Variants in SYPL1 observed in about 807,000 individuals in gnomAD.
SYPL1 encodes the protein synaptophysin like 1, also known as synaptophysin-like protein 1.
Under a neutral mutation model 23.7 loss-of-function variants are expected in SYPL1, and 6 were observed. That is an observed-to-expected ratio of 0.25 (90% CI 0.14 to 0.50). The LOEUF (loss-of-function observed/expected upper bound fraction) is 0.50, where lower values mean the gene tolerates loss of function less well. Ranked by LOEUF, SYPL1 falls within the 20% of genes least tolerant of loss-of-function variation. The pLI, the probability that SYPL1 is intolerant of heterozygous loss-of-function variation, is 0.98. For synonymous variants in SYPL1, 102 were observed against 104.5 expected (o/e 0.98, Z 0.15); for missense variants, 253 against 288.9 (o/e 0.88, Z 0.90).
chr7:106,112,412 G>T (rs1790218667), upstream of SYPL1: 2 of 1,402,510 alleles, frequency 1.4e-6, no homozygotes, highest in Admixed American at 6.6e-5. Context: ...CGGAAACGGA[G>T]TGGGGCGGCT....
rs11286298 is a variant in SYPL1, at chr7:106,097,004, CA to C, written c.402+685del. Among the ~76,000 whole-genome samples the C allele has an allele frequency of 0.073, 11,164 of 152,140 alleles. 1,347 individuals are homozygous for C. The highest frequency in any genetic ancestry group is 0.25 in the African/African-American group (10,557 of 41,450). ...CCAAGGCAGGCAGATCACTTGAGCC[CA>C]GGAGTTTGAGACCAGCCTGGGCAAC... On this transcript the variant is annotated intron_variant, in intron 3 of 4. Coordinates refer to ENST00000455385, the MANE Select transcript of SYPL1 (RefSeq NM_182715.4). The surrounding 1 kb of genome is among the most constrained non-coding windows in gnomAD (Gnocchi z 4.6).
Position 106,091,098 on chromosome 7 carries a change from C to T in SYPL1, c.*707G>A, listed in dbSNP as rs924554367. On this transcript the variant is annotated 3_prime_UTR_variant, in exon 5 of 5. Coordinates refer to ENST00000455385, the MANE Select transcript of SYPL1 (RefSeq NM_182715.4). The surrounding 1 kb of genome is among the most constrained non-coding windows in gnomAD (Gnocchi z 5.0). ...CATATAAAGATATCTAGTTGAGCCA[C>T]GTTCTACTTACATAGCAAGCCTATT... 6.6e-6 allele frequency: 1 copy of T among 152,134 alleles called. No homozygotes were observed. Among genetic ancestry groups the T allele is most frequent in the African/African-American group, 2.4e-5 (1 of 41,434 alleles). The allele number at this position is 152,134 out of a possible 1,614,324, so 9.4% of individuals were successfully genotyped here.
At chr7:106,092,915 T>C (rs780733769) in intron 4 of SYPL1, 34 bp downstream of exon 4, 50 of 1,473,186 alleles carry the variant, frequency 3.4e-5, no homozygotes, top group Non-Finnish European at 4.5e-5. Flanking sequence ...AACAAATATA[T>C]GAAAGAAAAA....
intron 1 of SYPL1, among the ~76,000 whole-genome samples, chr7:106,105,190 C>A (rs1470498526): frequency 9.2e-5 from 14 of 152,098 alleles, no homozygotes; most frequent in Admixed American, 9.2e-4. Context: ...TATTCTTTTT[C>A]TTCCAAACAT....
At chr7:106,107,831 T>C (rs182545148) in intron 1 of SYPL1, among the ~76,000 whole-genome samples, 19 of 152,244 alleles carry the variant, frequency 1.2e-4, no homozygotes, top group African/African-American at 4.3e-4. Context: ...TGCTAACTCC[T>C]AATCATTGTA....
intron 4 of SYPL1, chr7:106,092,706 C>T (rs1280890933): frequency 3.4e-6 from 2 of 586,540 alleles, no homozygotes; most frequent in African/African-American, 3.9e-5. Context: ...TTAATCTTCC[C>T]AGATATAAAT....
rs1415151794 is a variant in SYPL1 at position 106,097,179 on chromosome 7, G to C, written c.402+511C>G. 6.6e-6 allele frequency among the ~76,000 whole-genome samples: 1 copy of C among 152,136 alleles called. No homozygotes were observed. Among genetic ancestry groups the C allele is most frequent in the African/African-American group, 2.4e-5 (1 of 41,414 alleles). On this transcript the variant is annotated intron_variant, in intron 3 of 4. Transcript: ENST00000455385. This position sits in a 1 kb window ranked among gnomAD's most constrained non-coding sequence, Gnocchi z 4.6. ...GATGGTGCTACTGCCCTCCTGCCTGGGCGACAAAGCGAGACCTTGTCTCAA... is the reference window on the plus strand; with the variant it reads ...GATGGTGCTACTGCCCTCCTGCCTGCGCGACAAAGCGAGACCTTGTCTCAA...
rs1839854557 is a variant in SYPL1 at position 106,093,298 on chromosome 7, G to T, written c.403-161C>A. On this transcript the variant is annotated intron_variant, in intron 3 of 4. Transcript: ENST00000455385. ...AAAGTCAGTCAGCATAGTAAACATTGCTGTTAGTGTTACAAGCACAGTGCC... is the reference window on the plus strand; with the variant it reads ...AAAGTCAGTCAGCATAGTAAACATTTCTGTTAGTGTTACAAGCACAGTGCC... 3 of 606,440 alleles carry T rather than the reference G, an allele frequency of 4.9e-6. No individual in the cohort carries two copies. In the East Asian group the frequency reaches 8.9e-5, roughly 18 times the overall value. The allele number at this position is 606,440 out of a possible 1,614,324, so 37.6% of individuals were successfully genotyped here. A position where few individuals can be genotyped will look rare whatever the true frequency, so the allele number is the denominator to read the frequency against.
chr7:106,112,485 G>A (rs764992362), upstream of SYPL1: 2 of 1,520,424 alleles, frequency 1.3e-6, no homozygotes, highest in East Asian at 2.8e-5. Flanking sequence ...GCACCTGGCC[G>A]AGTCGACTGA....
Position 106,112,124 on chromosome 7 carries a change from C to A in SYPL1, c.69+16G>T. 2 of 1,448,674 alleles carry A rather than the reference C, an allele frequency of 1.4e-6. No individual in the cohort carries two copies. Among genetic ancestry groups the A allele is most frequent in the Admixed American group, 2.0e-5 (1 of 49,470 alleles). The allele number at this position is 1,448,674 out of a possible 1,614,324, so 89.7% of individuals were successfully genotyped here. A position where few individuals can be genotyped will look rare whatever the true frequency, so the allele number is the denominator to read the frequency against. On this transcript the variant is annotated intron_variant, in intron 1 of 4. Coordinates refer to ENST00000455385, the MANE Select transcript of SYPL1 (RefSeq NM_182715.4). ...CCGAGCGGCAGGCGGGCCTGGCCGGCGCGGGCTGCACTCACCCACTCGAGG... is the reference window on the plus strand; with the variant it reads ...CCGAGCGGCAGGCGGGCCTGGCCGGAGCGGGCTGCACTCACCCACTCGAGG...
intron 4 of SYPL1, chr7:106,092,461 T>G (rs1585933206): frequency 4.5e-6 from 1 of 223,850 alleles, no homozygotes. Flanking sequence ...TCACTTGAGG[T>G]CGGGAGTTTG....
In SYPL1 at chr7:106,096,806, T is replaced by A. The variant is rs10274591; in HGVS notation, c.402+884A>T. Among the ~76,000 whole-genome samples, 2 of 152,172 alleles carry A rather than the reference T, an allele frequency of 1.3e-5. No individual in the cohort carries two copies. The highest frequency in any genetic ancestry group is 4.8e-5 in the African/African-American group (2 of 41,434). ...CAAACTTCTTTTGAAAAGGGCCAAA[T>A]AGCAACTATTTTTTATCTCTGTTAC... On this transcript the variant is annotated intron_variant, in intron 3 of 4. Transcript: ENST00000455385. This position sits in a 1 kb window ranked among gnomAD's most constrained non-coding sequence, Gnocchi z 4.4.
Position 106,091,815 on chromosome 7 carries a change from G to A in SYPL1, c.716C>T (p.Thr239Ile), listed in dbSNP as rs749038149. Residue 239 changes from threonine to isoleucine, a missense_variant, in exon 5 of 5, where the codon ACC (threonine) becomes ATC (isoleucine). Physicochemically the swap from Thr to Ile is moderately conservative, Grantham distance 89 (BLOSUM62 -1). Coordinates refer to ENST00000455385, the MANE Select transcript of SYPL1 (RefSeq NM_182715.4). This position sits in a 1 kb window ranked among gnomAD's most constrained non-coding sequence, Gnocchi z 5.0. ...PHSQGGIPPPTGI is the reference protein window; with the variant it reads ...PHSQGGIPPPIGI ...TATTTCTCCCTTTAATTATATTCCG[G>A]TAGGAGGTGGAATACCTCCTTGGCT... is the stretch of plus-strand genomic sequence containing the variant. 1.2e-6 allele frequency: 2 copies of A among 1,611,268 alleles called. No individual in the cohort carries two copies. Among genetic ancestry groups the A allele is most frequent in the Non-Finnish European group, 1.7e-6 (2 of 1,178,970 alleles).
At chr7:106,110,066 T>C (rs1296615703) in intron 1 of SYPL1, among the ~76,000 whole-genome samples, 1 of 152,160 alleles carries the variant, frequency 6.6e-6, no homozygotes, top group African/African-American at 2.4e-5. Flanking sequence ...GATTCTGGGC[T>C]TGAATGGAAT....
chr7:106,101,764 C>T (rs1177797247), intron 1 of SYPL1, among the ~76,000 whole-genome samples: 2 of 139,462 alleles, frequency 1.4e-5, no homozygotes, highest in African/African-American at 5.5e-5. Flanking sequence ...TGAGCATATA[C>T]CCACGTTTAA....
At chr7:106,112,341 C>T, upstream of SYPL1, 1 of 999,634 alleles carries the variant, frequency 1.0e-6, no homozygotes, top group African/African-American at 1.9e-5. Flanking sequence ...CGGGCCCGGG[C>T]GGCCGTGGGG....
At chr7:106,110,873 T>C (rs1211175995) in intron 1 of SYPL1, among the ~76,000 whole-genome samples, 1 of 152,262 alleles carries the variant, frequency 6.6e-6, no homozygotes, top group Non-Finnish European at 1.5e-5. Context: ...TAAATCTAGA[T>C]ATAAGACTTT....
chr7:106,112,066 G>C (rs1244346226), intron 1 of SYPL1, 74 bp downstream of exon 1: 2 of 1,257,924 alleles, frequency 1.6e-6, no homozygotes, highest in Non-Finnish European at 2.0e-6. Flanking sequence ...GTCCCGGCTC[G>C]CAGGTCCCCG....
chr7:106,096,595 TA>T lies in SYPL1; in HGVS notation c.402+1094del, dbSNP rs1361648997. Among the ~76,000 whole-genome samples, 3 of 152,336 alleles carry T rather than the reference TA, an allele frequency of 2.0e-5. No individual in the cohort carries two copies. Among genetic ancestry groups the T allele is most frequent in the African/African-American group, 7.2e-5 (3 of 41,580 alleles). ...ATAATCCAGGGCAGATTCTACTAAC[TA>T]AATCTCAGAGAATATTTCTAGCTCA... On this transcript the variant is annotated intron_variant, in intron 3 of 4. Transcript: ENST00000455385. The surrounding 1 kb of genome is among the most constrained non-coding windows in gnomAD (Gnocchi z 4.4).
Sources: allele counts gnomAD v4.1 joint callset (sites outside exome capture counted in the v4.1 genomes callset), GRCh38; gene constraint gnomAD v4.1.1; non-coding constraint Gnocchi (gnomAD v3.1); transcripts MANE v1.5; gene names NCBI Gene and HGNC (gene_info 2026-07-23, HGNC 2026-07-21).